TENM3: variants seen among roughly 807,000 people sequenced by gnomAD.
The protein encoded by TENM3 is teneurin-3.
In TENM3, 63 loss-of-function variants were observed where a neutral mutation model predicts 255.1. That is an observed-to-expected ratio of 0.25 (90% CI 0.20 to 0.30). TENM3 has a LOEUF of 0.30. Among genes scored for constraint, TENM3 ranks in the 10% least tolerant of loss-of-function variants. The pLI is 1.00. For missense variants in TENM3, 2,929 were observed against 3,461.1 expected (o/e 0.85, Z 3.86); for synonymous variants, 1,306 against 1,322.3 (o/e 0.99, Z 0.27).
chr4:181,524,931 A>C, the TENM3 span, among the ~76,000 whole-genome samples: 35 of 152,352 alleles, frequency 2.3e-4, no homozygotes, highest in South Asian at 7.2e-3. Context: ...CCAAGCTTTA[A>C]GTATGCACAT....
intron 3 of TENM3, among the ~76,000 whole-genome samples, chr4:182,591,578 T>A (rs761907238): frequency 6.6e-6 from 1 of 152,212 alleles, no homozygotes; most frequent in South Asian, 2.1e-4. Flanking sequence ...TTCATTTGAT[T>A]TACAGGCAAC....
the TENM3 span, among the ~76,000 whole-genome samples, chr4:181,626,101 T>A: frequency 3.9e-5 from 6 of 152,292 alleles, no homozygotes; most frequent in South Asian, 1.2e-3. Context: ...CCAACTGAGC[T>A]TATTTGGCAA....
chr4:181,788,461 C>T, the TENM3 span, among the ~76,000 whole-genome samples: 3 of 152,158 alleles, frequency 2.0e-5, no homozygotes, highest in Non-Finnish European at 4.4e-5. Flanking sequence ...CCCATTAATA[C>T]TCCAATTTTC....
At chr4:182,256,984 G>A (rs1266502162) in intron 1 of TENM3, among the ~76,000 whole-genome samples, 1 of 151,918 alleles carries the variant, frequency 6.6e-6, no homozygotes, top group Non-Finnish European at 1.5e-5. Flanking sequence ...CCTCAGGGTA[G>A]AATTGGTGTC....
intron 1 of TENM3, among the ~76,000 whole-genome samples, chr4:182,206,435 C>T (rs545712256): frequency 5.3e-5 from 8 of 152,162 alleles, no homozygotes; most frequent in African/African-American, 1.9e-4. Flanking sequence ...GATGGATTCA[C>T]GAGAATGTCT....
intron 1 of TENM3, among the ~76,000 whole-genome samples, chr4:182,156,011 ATTTTT>A (rs56399249): frequency 2.5e-5 from 3 of 118,562 alleles, no homozygotes; most frequent in Non-Finnish European, 5.2e-5. Flanking sequence ...CTGTTTGAGG[ATTTTT>A]TTTTTTTTTT....
At chr4:181,761,676 T>C in the TENM3 span, among the ~76,000 whole-genome samples, 1 of 152,196 alleles carries the variant, frequency 6.6e-6, no homozygotes, top group African/African-American at 2.4e-5. Flanking sequence ...ACAAAGATGT[T>C]TGAAGAAATC....
intron 1 of TENM3, among the ~76,000 whole-genome samples, chr4:182,259,381 T>C (rs762102188): frequency 6.6e-6 from 1 of 152,150 alleles, no homozygotes; most frequent in Non-Finnish European, 1.5e-5. Flanking sequence ...GGTGCAAACA[T>C]GGGTTACTGC....
At chr4:181,561,486 T>C in the TENM3 span, among the ~76,000 whole-genome samples, 1 of 152,170 alleles carries the variant, frequency 6.6e-6, no homozygotes, top group Non-Finnish European at 1.5e-5. Flanking sequence ...AAGAAAGTGT[T>C]AAAGATTATT....
the TENM3 span, among the ~76,000 whole-genome samples, chr4:182,097,514 C>T: frequency 6.6e-6 from 1 of 152,152 alleles, no homozygotes; most frequent in Non-Finnish European, 1.5e-5. Flanking sequence ...CTATGCAGTG[C>T]TTTATGGGTC....
the TENM3 span, among the ~76,000 whole-genome samples, chr4:182,130,958 G>A: frequency 1.3e-5 from 2 of 151,970 alleles, no homozygotes; most frequent in African/African-American, 4.8e-5. Flanking sequence ...TTCTTGTGTG[G>A]CAGATTTAAC....
chr4:181,625,590 A>G, the TENM3 span, among the ~76,000 whole-genome samples: 1 of 152,084 alleles, frequency 6.6e-6, no homozygotes, highest in African/African-American at 2.4e-5. Flanking sequence ...AGGCATGCTG[A>G]TCACGAGGTC....
chr4:182,526,134 C>T (rs1165881590), intron 3 of TENM3, among the ~76,000 whole-genome samples: 1 of 152,172 alleles, frequency 6.6e-6, no homozygotes, highest in Non-Finnish European at 1.5e-5. Flanking sequence ...CACGTGCCAC[C>T]ACGCCCGGCT....
At chr4:181,674,101 T>A in the TENM3 span, among the ~76,000 whole-genome samples, 39 of 152,126 alleles carry the variant, frequency 2.6e-4, no homozygotes, top group Admixed American at 2.6e-3. Flanking sequence ...GCTCAAGCCA[T>A]CATCTCACCT....
At chr4:182,649,983 A>T (rs904649645) in intron 5 of TENM3, among the ~76,000 whole-genome samples, 1 of 150,542 alleles carries the variant, frequency 6.6e-6, no homozygotes, top group African/African-American at 2.4e-5. Flanking sequence ...CATCCATTGC[A>T]AACTGCATGC....
intron 3 of TENM3, among the ~76,000 whole-genome samples, chr4:182,552,788 TTTAATATGAGTCCTC>T (rs1742183915): frequency 6.6e-6 from 1 of 152,206 alleles, no homozygotes; most frequent in African/African-American, 2.4e-5. Context: ...CAGGAGTTAT[TTTAATATGAGTCCTC>T]TTAATGAATG....
intron 1 of TENM3, among the ~76,000 whole-genome samples, chr4:182,271,169 G>A (rs1001811434): frequency 6.6e-6 from 1 of 152,102 alleles, no homozygotes; most frequent in Non-Finnish European, 1.5e-5. Flanking sequence ...TATTATAACC[G>A]ATCCTGTTTC....
At chr4:182,542,371 C>A (rs1218514787) in intron 3 of TENM3, among the ~76,000 whole-genome samples, 1 of 152,076 alleles carries the variant, frequency 6.6e-6, no homozygotes, top group Non-Finnish European at 1.5e-5. Flanking sequence ...ACCTGGGACA[C>A]TTTTTTCCTC....
chr4:182,176,566 A>G (rs1230360770), intron 1 of TENM3, among the ~76,000 whole-genome samples: 1 of 152,174 alleles, frequency 6.6e-6, no homozygotes, highest in Non-Finnish European at 1.5e-5. Context: ...TTTTAAAATA[A>G]ACTCGTAATT....
Sources: gnomAD v4.1 joint callset for allele counts (sites outside exome capture counted in the v4.1 genomes callset) on GRCh38, gnomAD v4.1.1 for gene constraint, MANE v1.5 for transcripts, NCBI Gene and HGNC (gene_info 2026-07-23, HGNC 2026-07-21) for gene names.